Variants in ADAMTS13 observed in about 807,000 individuals in gnomAD.
ADAMTS13 encodes A disintegrin and metalloproteinase with thrombospondin motifs 13.
ADAMTS13 carries 110 observed loss-of-function variants against 155.1 expected under a neutral mutation model. The ratio of observed to expected loss-of-function variants is 0.71; its 90% CI spans 0.61 to 0.83. ADAMTS13 has a LOEUF of 0.83. Ranked by LOEUF, ADAMTS13 falls within the 40% of genes least tolerant of loss-of-function variation. The pLI is 0.00. For synonymous variants in ADAMTS13, 758 were observed against 756.4 expected (o/e 1.00, Z -0.03); for missense variants, 1,707 against 1,891.7 (o/e 0.90, Z 1.81).
Position 133,440,468 on chromosome 9 carries a change from G to A in ADAMTS13, c.1911G>A (p.Leu637=). 3 of 1,613,470 alleles carry A rather than the reference G, an allele frequency of 1.9e-6. No homozygotes were observed. The highest frequency in any genetic ancestry group is 1.1e-5 in the South Asian group (1 of 91,072). ...EYRVALTEDR[L]PRLEEIRIWG... ...GAGTGGCCCTCACCGAGGACCGGCT[G>A]CCCCGCCTGGAGGAGATCCGCATCT... is the stretch of plus-strand genomic sequence containing the variant. The change falls in exon 16 of 29, where the codon CTG becomes CTA. Residue 637 remains leucine (L), a synonymous_variant. Transcript: ENST00000355699. The surrounding 1 kb of genome is among the most constrained non-coding windows in gnomAD (Gnocchi z 4.3).
chr9:133,437,054 C>T (rs1841293481), intron 12 of ADAMTS13, 99 bp downstream of exon 12: 9 of 1,455,542 alleles, frequency 6.2e-6, no homozygotes, highest in Non-Finnish European at 8.3e-6. Flanking sequence ...CCCTCCAGCA[C>T]TGGGCAAAGT....
intron 8 of ADAMTS13, 141 bp downstream of exon 8, chr9:133,430,242 T>A: frequency 9.7e-7 from 1 of 1,029,806 alleles, no homozygotes; most frequent in Non-Finnish European, 1.5e-6. Flanking sequence ...CTTAGTTTAA[T>A]GCTGTCTGTG....
intron 7 of ADAMTS13, 185 bp from the exon 8 acceptor site, chr9:133,429,754 G>A (rs1047961179): frequency 1.1e-5 from 9 of 821,942 alleles, no homozygotes; most frequent in Non-Finnish European, 1.8e-5. Flanking sequence ...GCGCCGGCAG[G>A]AGCCTTAGTC....
At chr9:133,446,320 C>T (rs1842063461) in intron 21 of ADAMTS13, among the ~76,000 whole-genome samples, 1 of 152,200 alleles carries the variant, frequency 6.6e-6, no homozygotes, top group South Asian at 2.1e-4. Flanking sequence ...GAGCTCTGTC[C>T]CTGTGAAACA....
At chr9:133,439,337 C>T (rs1242110356) in intron 14 of ADAMTS13, 29 bp from the exon 15 acceptor site, 2 of 1,533,842 alleles carry the variant, frequency 1.3e-6, no homozygotes, top group South Asian at 1.1e-5. Flanking sequence ...GTGAGGTCCA[C>T]GCATCTCTCC....
chr9:133,433,521 C>T lies in ADAMTS13; in HGVS notation c.1236C>T (p.Asn412=). The T allele has an allele frequency of 6.2e-7, 1 of 1,613,634 alleles. No individual in the cohort carries two copies. The highest frequency in any genetic ancestry group is 1.7e-4 in the Middle Eastern group (1 of 6,058). ...GGVVTRRRQC[N]NPRPAFGGRA... ...TGGTCACCAGGAGGCGGCAGTGCAA[C>T]AACCCCAGGTACCGCAGGGAGGGTG... Residue 412 remains asparagine (N), a synonymous_variant, in exon 10 of 29, where the codon AAC becomes AAT. Coordinates refer to ENST00000355699, the MANE Select transcript of ADAMTS13 (RefSeq NM_139027.6).
chr9:133,448,861 G>A, intron 22 of ADAMTS13, 133 bp downstream of exon 22: 1 of 1,398,064 alleles, frequency 7.2e-7, no homozygotes, highest in East Asian at 2.6e-5. Flanking sequence ...GCTGGACCAT[G>A]GCCGCCCCAT....
intron 7 of ADAMTS13, 181 bp from the exon 8 acceptor site, chr9:133,429,758 C>T: frequency 1.2e-6 from 1 of 848,984 alleles, no homozygotes; most frequent in Non-Finnish European, 1.9e-6. Context: ...CGGCAGGAGC[C>T]TTAGTCTTGG....
chr9:133,428,468 C>A (rs1840432060), intron 6 of ADAMTS13, among the ~76,000 whole-genome samples, 166 bp from the exon 7 acceptor site: 1 of 152,208 alleles, frequency 6.6e-6, no homozygotes, highest in African/African-American at 2.4e-5. Flanking sequence ...CTCTCCACTG[C>A]GCCCAGTTAG....
chr9:133,424,994 G>A lies in ADAMTS13; in HGVS notation c.330+516G>A, dbSNP rs142181992. Among the ~76,000 whole-genome samples, 290 of 152,274 alleles carry A rather than the reference G, an allele frequency of 1.9e-3. No homozygotes were observed. Among genetic ancestry groups the A allele is most frequent in the Middle Eastern group, 0.014 (4 of 292 alleles). ...CTTCACTTGAAAGCTGGGGAAGGGC[G>A]GGCAGGGAAGCACTCCCCCACTAGC... On this transcript the variant is annotated intron_variant, in intron 3 of 28. Coordinates refer to ENST00000355699, the MANE Select transcript of ADAMTS13 (RefSeq NM_139027.6). The surrounding 1 kb of genome is among the most constrained non-coding windows in gnomAD (Gnocchi z 4.3).
rs1554792149 is a variant in ADAMTS13 at position 133,445,065 on chromosome 9, G to C, written c.2610+13G>C. 2.5e-6 allele frequency: 4 copies of C among 1,611,302 alleles called. No homozygotes were observed. In the South Asian group the frequency reaches 4.4e-5, roughly 18 times the overall value. On this transcript the variant is annotated intron_variant, in intron 20 of 28. Transcript: ENST00000355699. This position sits in a 1 kb window ranked among gnomAD's most constrained non-coding sequence, Gnocchi z 5.0. ...AGGCTGGGGCCATGTGAGTGCCCTG[G>C]GCATGAGGGTGGCTGGGGCTGTTGA... is the stretch of plus-strand genomic sequence containing the variant.
chr9:133,438,615 A>C (rs587658833), intron 14 of ADAMTS13, among the ~76,000 whole-genome samples: 1 of 150,978 alleles, frequency 6.6e-6, no homozygotes, highest in Non-Finnish European at 1.5e-5. Flanking sequence ...GCCGTGCTGC[A>C]AAAAAAACAC....
At chr9:133,422,102 G>A (rs1554783410), upstream of ADAMTS13, 1 of 343,824 alleles carries the variant, frequency 2.9e-6, no homozygotes, top group African/African-American at 2.1e-5. Context: ...ACCCCCGTCT[G>A]TGGGTTTCTG....
rs1588177744 is a variant in ADAMTS13, at chr9:133,440,257, A to G, written c.1787-87A>G. On this transcript the variant is annotated intron_variant, in intron 15 of 28. Coordinates refer to ENST00000355699, the MANE Select transcript of ADAMTS13 (RefSeq NM_139027.6). The surrounding 1 kb of genome is among the most constrained non-coding windows in gnomAD (Gnocchi z 4.3). ...GTGGCTCCTTAGAGGAGGGCTGGGGACCCCGGGAAGGAGAGTCACTGACAT... is the reference window on the plus strand; with the variant it reads ...GTGGCTCCTTAGAGGAGGGCTGGGGGCCCCGGGAAGGAGAGTCACTGACAT... 1 of 1,564,412 alleles carries G rather than the reference A, an allele frequency of 6.4e-7. No homozygotes were observed. The highest frequency in any genetic ancestry group is 8.8e-7 in the Non-Finnish European group (1 of 1,142,786).
rs782199892 is a variant in ADAMTS13 at position 133,442,417 on chromosome 9, G to A, written c.1987G>A (p.Glu663Lys). The A allele has an allele frequency of 3.7e-6, 6 of 1,613,926 alleles. No homozygotes were observed. The highest frequency in any genetic ancestry group is 1.7e-5 in the Admixed American group (1 of 60,028). Residue 663 changes from glutamate (E) to lysine (K), a missense_variant, in exon 17 of 29, where the codon GAG becomes AAG. Glu to Lys is a moderately conservative substitution (Grantham distance 56). Coordinates refer to ENST00000355699, the MANE Select transcript of ADAMTS13 (RefSeq NM_139027.6). ...TCTGCAGGTTTACAGGCGGTATGGC[G>A]AGGAGTATGGCAACCTCACCCGCCC... ...ADIQVYRRYG[E>K]EYGNLTRPDI...
upstream of ADAMTS13, chr9:133,417,785 C>T (rs782405036): frequency 1.9e-6 from 3 of 1,610,324 alleles, no homozygotes; most frequent in Non-Finnish European, 2.5e-6. Context: ...TGACAGGACC[C>T]GGCTTAGCCA....
In ADAMTS13 at chr9:133,445,739, G is replaced by A. The variant is rs781844998; in HGVS notation, c.2651G>A (p.Trp884Ter). Residue 884 changes from tryptophan to a stop codon, truncating the protein, a stop_gained, in exon 21 of 29, where the codon TGG (tryptophan) becomes TAG (stop). Coordinates refer to ENST00000355699, the MANE Select transcript of ADAMTS13 (RefSeq NM_139027.6). LOFTEE classifies it high-confidence loss of function. The surrounding 1 kb of genome is among the most constrained non-coding windows in gnomAD (Gnocchi z 5.0). ...GCAGGGGAGAAGGCTCCCTCCCCAT[G>A]GGGCAGCATCAGGACGGGGGCTCAA... is the stretch of plus-strand genomic sequence containing the variant. The part of the protein sequence containing the change: ...TSAGEKAPSP[W>*]GSIRTGAQAA... 6.2e-7 allele frequency: 1 copy of A among 1,612,348 alleles called. No homozygotes were observed. The highest frequency in any genetic ancestry group is 8.5e-7 in the Non-Finnish European group (1 of 1,179,298).
chr9:133,423,150 C>G lies in ADAMTS13; in HGVS notation c.155C>G (p.Pro52Arg). The G allele has an allele frequency of 6.2e-7, 1 of 1,613,962 alleles. No homozygotes were observed. Among genetic ancestry groups the G allele is most frequent in the Non-Finnish European group, 8.5e-7 (1 of 1,179,972 alleles). The change falls in exon 2 of 29, where the codon CCT becomes CGT. Residue 52 changes from proline (P) to arginine (R), a missense_variant. This residue lies in a region of ADAMTS13 where 733 missense variants were observed against 749.6 expected (regional missense o/e 0.98). Coordinates refer to ENST00000355699, the MANE Select transcript of ADAMTS13 (RefSeq NM_139027.6). ...CAGGCCGTGTCTTCTTACTTGAGCC[C>G]TGGTGCTCCCTTAAAAGGTACTTGT... ...EPQAVSSYLS[P>R]GAPLKGRPPS...
chr9:133,427,082 C>T (rs1279594199), intron 6 of ADAMTS13, among the ~76,000 whole-genome samples: 2 of 152,232 alleles, frequency 1.3e-5, no homozygotes, highest in Non-Finnish European at 2.9e-5. Context: ...GGATTACAGG[C>T]GTGAGCCACT....
Sources: gnomAD v4.1 joint callset for allele counts (sites outside exome capture counted in the v4.1 genomes callset) on GRCh38, gnomAD v4.1.1 for gene constraint, gnomAD v4.1.1 regional missense constraint, Gnocchi (gnomAD v3.1) non-coding constraint, MANE v1.5 for transcripts, NCBI Gene and HGNC (gene_info 2026-07-23, HGNC 2026-07-21) for gene names.